The following CADM1 variants were observed in gnomAD, a reference collection of about 807,000 sequenced individuals.
CADM1 encodes the protein cell adhesion molecule 1, also known as TSLC-1.
In CADM1, 15 loss-of-function variants were observed where a neutral mutation model predicts 53.1. That is an observed-to-expected ratio of 0.28 (90% CI 0.19 to 0.44). CADM1 has a LOEUF of 0.44. Ranked by LOEUF, CADM1 falls within the 20% of genes least tolerant of loss-of-function variation. The pLI, the probability that CADM1 is intolerant of heterozygous loss-of-function variation, is 1.00. For synonymous variants in CADM1, 281 were observed against 243.0 expected, an observed-to-expected ratio of 1.16 and a Z score of -1.45; for missense variants, 434 against 611.3, an observed-to-expected ratio of 0.71 and a Z score of 3.06.
Position 115,262,578 on chromosome 11 carries a change from A to G in CADM1, c.125-22158T>C, listed in dbSNP as rs555240652. Among the ~76,000 whole-genome samples, 15 of 152,324 alleles carry G rather than the reference A, an allele frequency of 9.8e-5. No homozygotes were observed. In the South Asian group the frequency reaches 3.1e-3, roughly 32 times the overall value. Reference sequence around the variant, plus strand: ...CTAGGCTGTGATACAGTTAAAAGCAAGCGATGAACAAATATCTCCTCTGAA... The same window carrying G: ...CTAGGCTGTGATACAGTTAAAAGCAGGCGATGAACAAATATCTCCTCTGAA... On this transcript the variant is annotated intron_variant, in intron 1 of 11. Transcript: ENST00000331581.
At position 115,504,301 on chromosome 11, in the gene CADM1, G is replaced by C. The variant is rs770495012; in HGVS notation, c.94C>G (p.Leu32Val). 6 of 1,565,804 alleles carry C rather than the reference G, an allele frequency of 3.8e-6. No individual in the cohort carries two copies. In the South Asian group the frequency reaches 7.1e-5, roughly 18 times the overall value. ...PGLRLRLLLL[L>V]FSAAALIPTG... is the part of the protein sequence containing the mutation. ...GGGATCAGTGCCGCGGCGGAGAAGAGCAACAGCAGAAGCCGGAGCCGGAGC... is the reference window on the plus strand; with the variant it reads ...GGGATCAGTGCCGCGGCGGAGAAGACCAACAGCAGAAGCCGGAGCCGGAGC... The change falls in exon 1 of 12, where the codon CTC becomes GTC. Residue 32 changes from leucine to valine, a missense_variant. By Grantham distance (32) the Leu-to-Val change is conservative. Around this residue, in one of 4 missense-constraint regions of CADM1, gnomAD observed 76 missense variants for 59.8 expected, o/e 1.27. Transcript: ENST00000331581.
chr11:115,249,100 G>T (rs1041814538), intron 1 of CADM1, among the ~76,000 whole-genome samples: 4 of 152,162 alleles, frequency 2.6e-5, no homozygotes, highest in African/African-American at 7.2e-5. Flanking sequence ...AAGAATAAAA[G>T]AATAGTTTTA....
rs1190986944 is a variant in CADM1, at chr11:115,235,086, G to A, written c.424+3414C>T. On this transcript the variant is annotated intron_variant, in intron 3 of 11. Transcript: ENST00000331581. Reference sequence around the variant, plus strand: ...AGAAGAAGAAACAGGCATGTATACTGGGAGTTGTTTGGTTTATAAAATAAA... The same window carrying A: ...AGAAGAAGAAACAGGCATGTATACTAGGAGTTGTTTGGTTTATAAAATAAA... Among the ~76,000 whole-genome samples the A allele has an allele frequency of 2.0e-5, 3 of 151,744 alleles. No homozygotes were observed. The East Asian group carries it at 5.8e-4, about 29-fold the overall frequency.
At chr11:115,395,943 T>G (rs1483127893) in intron 1 of CADM1, among the ~76,000 whole-genome samples, 1 of 152,256 alleles carries the variant, frequency 6.6e-6, no homozygotes, top group African/African-American at 2.4e-5. Context: ...GCATTCCATT[T>G]GTACCATTGG....
chr11:115,252,073 AT>A (rs1364000367), intron 1 of CADM1, among the ~76,000 whole-genome samples: 1 of 152,182 alleles, frequency 6.6e-6, no homozygotes, highest in Admixed American at 6.5e-5. Flanking sequence ...CCTATGACTT[AT>A]TTTTCACTAA....
chr11:115,349,891 G>T (rs990492721), intron 1 of CADM1, among the ~76,000 whole-genome samples: 1 of 152,096 alleles, frequency 6.6e-6, no homozygotes, highest in Non-Finnish European at 1.5e-5. Flanking sequence ...CAATAAAAAG[G>T]CCAAAGTCAT....
At chr11:115,392,874 G>A (rs1946872871) in intron 1 of CADM1, among the ~76,000 whole-genome samples, 1 of 151,890 alleles carries the variant, frequency 6.6e-6, no homozygotes, top group South Asian at 2.1e-4. Flanking sequence ...AAATCTAGAG[G>A]ATTAAAAGTG....
intron 3 of CADM1, among the ~76,000 whole-genome samples, chr11:115,237,748 C>T (rs994895581): frequency 4.1e-4 from 63 of 152,242 alleles, no homozygotes; most frequent in African/African-American, 1.5e-3. Flanking sequence ...CTAAAGGTGA[C>T]TAATTCAGAC....
intron 8 of CADM1, among the ~76,000 whole-genome samples, chr11:115,206,784 T>TTTTTTTTTTTTTTTTC: frequency 7.3e-6 from 1 of 137,528 alleles, no homozygotes; most frequent in Non-Finnish European, 1.5e-5. Context: ...TTTTTTTTTT[T>TTTTTTTTTTTTTTTTC]TTTTTAAGCT....
chr11:115,383,876 G>C (rs1218293947), intron 1 of CADM1, among the ~76,000 whole-genome samples: 1 of 151,772 alleles, frequency 6.6e-6, no homozygotes, highest in African/African-American at 2.4e-5. Flanking sequence ...ACCTTTCATA[G>C]CAAGAGCCAA....
intron 1 of CADM1, among the ~76,000 whole-genome samples, chr11:115,405,746 ATTATGT>A (rs1449879433): frequency 6.6e-6 from 1 of 152,258 alleles, no homozygotes; most frequent in Non-Finnish European, 1.5e-5. Flanking sequence ...CATTTATATC[ATTATGT>A]TTAATATTTT....
At chr11:115,274,587 A>G (rs1448517384) in intron 1 of CADM1, among the ~76,000 whole-genome samples, 2 of 152,224 alleles carry the variant, frequency 1.3e-5, no homozygotes, top group African/African-American at 4.8e-5. Context: ...GGTGCTTAAA[A>G]ACTGGGGGAG....
intron 10 of CADM1, among the ~76,000 whole-genome samples, chr11:115,183,553 C>A (rs537687491): frequency 1.3e-5 from 2 of 152,278 alleles, no homozygotes; most frequent in South Asian, 4.1e-4. Flanking sequence ...CACCCTGAAG[C>A]CCTCGGCTAC....
Position 115,172,073 on chromosome 11 carries a change from C to T in CADM1, c.*4401G>A, listed in dbSNP as rs1938807944. 6.6e-6 allele frequency: 1 copy of T among 152,278 alleles called. No homozygotes were observed. The highest frequency in any genetic ancestry group is 2.1e-4 in the South Asian group (1 of 4,830). 9.4% of individuals were successfully genotyped at this position (152,278 alleles called of 1,614,324 possible). On this transcript the variant is annotated 3_prime_UTR_variant, in exon 12 of 12. Coordinates refer to ENST00000331581, the MANE Select transcript of CADM1 (RefSeq NM_001301043.2). ...CTCACTGATCTTTCCTAACAACCTT[C>T]GAGGCTATGGTGATGTCCACCTTGC... is the stretch of plus-strand genomic sequence containing the variant.
At chr11:115,360,831 G>A (rs564409072) in intron 1 of CADM1, among the ~76,000 whole-genome samples, 1 of 152,014 alleles carries the variant, frequency 6.6e-6, no homozygotes, top group Non-Finnish European at 1.5e-5. Context: ...ATCTTACTAG[G>A]TTCCTAAAAC....
intron 1 of CADM1, among the ~76,000 whole-genome samples, chr11:115,471,378 G>A (rs1949007391): frequency 6.6e-6 from 1 of 152,182 alleles, no homozygotes; most frequent in African/African-American, 2.4e-5. Flanking sequence ...TCGAGGAAGT[G>A]AATTTTGGGA....
chr11:115,252,828 A>T (rs560543124), intron 1 of CADM1, among the ~76,000 whole-genome samples: 20 of 152,132 alleles, frequency 1.3e-4, no homozygotes, highest in Non-Finnish European at 2.5e-4. Context: ...ATATAACTAA[A>T]CCTCTCTTTA....
At chr11:115,497,847 C>T (rs1949653671) in intron 1 of CADM1, among the ~76,000 whole-genome samples, 1 of 152,026 alleles carries the variant, frequency 6.6e-6, no homozygotes, top group Admixed American at 6.6e-5. Context: ...TTTCACCTGT[C>T]CAGGGCCATT....
At chr11:115,413,033 T>A (rs919638150) in intron 1 of CADM1, among the ~76,000 whole-genome samples, 7 of 152,192 alleles carry the variant, frequency 4.6e-5, no homozygotes, top group African/African-American at 1.7e-4. Context: ...AAGTACCATT[T>A]CATTCAGCCA....
Sources: gnomAD v4.1 joint callset for allele counts (sites outside exome capture counted in the v4.1 genomes callset) on GRCh38, gnomAD v4.1.1 for gene constraint, gnomAD v4.1.1 regional missense constraint, MANE v1.5 for transcripts, NCBI Gene and HGNC (gene_info 2026-07-23, HGNC 2026-07-21) for gene names.